PRKCE: variants seen among roughly 807,000 people sequenced by gnomAD.
The protein encoded by PRKCE is protein kinase C epsilon type.
A neutral mutation model predicts 85.4 loss-of-function variants in PRKCE; 16 were observed. The observed-to-expected ratio is 0.19, with a 90% CI of 0.13 to 0.28. The LOEUF is 0.28. PRKCE is among the 10% of genes least tolerant of loss of function. The probability of loss-of-function intolerance (pLI) is 1.00; values close to 1 mark genes in which losing one functional copy is unlikely to be tolerated. For synonymous variants in PRKCE, 388 were observed against 371.5 expected, an observed-to-expected ratio of 1.04 and a Z score of -0.51; for missense variants, 573 against 975.2, an observed-to-expected ratio of 0.59 and a Z score of 5.49.
intron 2 of PRKCE, among the ~76,000 whole-genome samples, chr2:45,964,400 A>G (rs1438764846): frequency 6.6e-6 from 1 of 152,178 alleles, no homozygotes; most frequent in Non-Finnish European, 1.5e-5. Flanking sequence ...TCAGATCATC[A>G]CTGGCACCAA....
At chr2:45,781,252 G>T (rs1185912743) in intron 1 of PRKCE, among the ~76,000 whole-genome samples, 1 of 152,090 alleles carries the variant, frequency 6.6e-6, no homozygotes, top group Non-Finnish European at 1.5e-5. Context: ...TGGGAGGATT[G>T]CTTGAGCCCA....
chr2:45,820,566 AAG>A (rs1689449696), intron 1 of PRKCE, among the ~76,000 whole-genome samples: 1 of 152,164 alleles, frequency 6.6e-6, no homozygotes. Flanking sequence ...AAATGTCAGC[AAG>A]AGAAATGACT....
At chr2:46,124,280 G>A (rs543332271) in intron 11 of PRKCE, among the ~76,000 whole-genome samples, 5 of 152,180 alleles carry the variant, frequency 3.3e-5, no homozygotes, top group Admixed American at 6.5e-5. Flanking sequence ...ATCCAAGATC[G>A]CACCACTGCA....
At chr2:45,723,707 C>A (rs1288065349) in intron 1 of PRKCE, among the ~76,000 whole-genome samples, 2 of 152,158 alleles carry the variant, frequency 1.3e-5, no homozygotes, top group Non-Finnish European at 2.9e-5. Flanking sequence ...CGGTTTCAAG[C>A]GATTCTCCTG....
At chr2:46,046,515 T>C (rs746520145) in intron 10 of PRKCE, among the ~76,000 whole-genome samples, 12 of 152,212 alleles carry the variant, frequency 7.9e-5, no homozygotes, top group Non-Finnish European at 1.8e-4. Flanking sequence ...TGTTCAAGTT[T>C]GAGAGTCTCC....
intron 1 of PRKCE, among the ~76,000 whole-genome samples, chr2:45,816,711 C>T (rs760879092): frequency 6.6e-6 from 1 of 152,160 alleles, no homozygotes; most frequent in East Asian, 1.9e-4. Context: ...GTATCCCCAG[C>T]GCCACCCTGC....
intron 2 of PRKCE, among the ~76,000 whole-genome samples, chr2:45,926,709 G>A (rs911138691): frequency 6.6e-6 from 1 of 152,218 alleles, no homozygotes; most frequent in Non-Finnish European, 1.5e-5. Flanking sequence ...ATGGACAGCC[G>A]TGGCTAGAAG....
chr2:45,817,486 G>A (rs1033167006), intron 1 of PRKCE, among the ~76,000 whole-genome samples: 5 of 152,050 alleles, frequency 3.3e-5, no homozygotes, highest in African/African-American at 7.2e-5. Context: ...GAGGTCAGGA[G>A]ATCGAGACCA....
chr2:46,149,322 C>T (rs1676379272), intron 12 of PRKCE, among the ~76,000 whole-genome samples: 1 of 151,934 alleles, frequency 6.6e-6, no homozygotes, highest in African/African-American at 2.4e-5. Context: ...TTTTCAGGGT[C>T]CTCAAAGTGT....
At chr2:45,709,807 T>C (rs1679452960) in intron 1 of PRKCE, among the ~76,000 whole-genome samples, 1 of 152,102 alleles carries the variant, frequency 6.6e-6, no homozygotes, top group Non-Finnish European at 1.5e-5. Flanking sequence ...CCTGTGACCA[T>C]GTATCTTTTT....
intron 1 of PRKCE, among the ~76,000 whole-genome samples, chr2:45,722,715 C>T (rs1680719801): frequency 2.0e-5 from 3 of 152,220 alleles, no homozygotes; most frequent in Admixed American, 2.0e-4. Flanking sequence ...CCCATTTCCA[C>T]TTGGAGTCCT....
At chr2:45,744,368 G>T (rs1034148539) in intron 1 of PRKCE, among the ~76,000 whole-genome samples, 1 of 151,946 alleles carries the variant, frequency 6.6e-6, no homozygotes, top group South Asian at 2.1e-4. Context: ...ATCACATAAA[G>T]TAACTTTAAA....
intron 10 of PRKCE, among the ~76,000 whole-genome samples, chr2:46,057,918 A>T (rs542766452): frequency 2.6e-5 from 4 of 152,318 alleles, no homozygotes; most frequent in African/African-American, 9.6e-5. Flanking sequence ...ATCCACAGTG[A>T]TTCTTTCTAC....
At chr2:46,109,074 T>C (rs952475412) in intron 11 of PRKCE, among the ~76,000 whole-genome samples, 4 of 152,202 alleles carry the variant, frequency 2.6e-5, no homozygotes, top group Non-Finnish European at 5.9e-5. Context: ...ATTTCCCCAA[T>C]ACCATGCTGT....
At chr2:46,061,217 C>G (rs575927147) in intron 10 of PRKCE, among the ~76,000 whole-genome samples, 1 of 143,306 alleles carries the variant, frequency 7.0e-6, no homozygotes, top group Non-Finnish European at 1.5e-5. Flanking sequence ...TCAGGTGATT[C>G]ACCCACCTCA....
intron 1 of PRKCE, among the ~76,000 whole-genome samples, chr2:45,710,854 C>G (rs1424289226): frequency 6.6e-6 from 1 of 152,230 alleles, no homozygotes; most frequent in African/African-American, 2.4e-5. Flanking sequence ...TACTGCCTGG[C>G]AGGCCAGATG....
chr2:45,862,454 C>G (rs907309660), intron 2 of PRKCE, among the ~76,000 whole-genome samples: 1 of 152,182 alleles, frequency 6.6e-6, no homozygotes, highest in African/African-American at 2.4e-5. Context: ...ATTGTTCCAT[C>G]TTTTTTCTTG....
At chr2:45,672,353 T>G (rs1485242423) in intron 1 of PRKCE, among the ~76,000 whole-genome samples, 2 of 151,948 alleles carry the variant, frequency 1.3e-5, no homozygotes, top group Non-Finnish European at 2.9e-5. Context: ...CATCTCTTCA[T>G]TCATCCATTC....
intron 10 of PRKCE, among the ~76,000 whole-genome samples, chr2:46,022,802 G>A (rs942482929): frequency 2.6e-5 from 4 of 152,130 alleles, no homozygotes; most frequent in South Asian, 2.1e-4. Context: ...CAATATCATC[G>A]GCCGGGCGCG....
Sources: gnomAD v4.1 joint callset for allele counts (sites outside exome capture counted in the v4.1 genomes callset) on GRCh38, gnomAD v4.1.1 for gene constraint, MANE v1.5 for transcripts, NCBI Gene and HGNC (gene_info 2026-07-23, HGNC 2026-07-21) for gene names.